IYD: variants seen among roughly 807,000 people sequenced by gnomAD.
IYD encodes iodotyrosine deiodinase 1.
In IYD, 25 loss-of-function variants were observed where a neutral mutation model predicts 28.4. That is an observed-to-expected ratio of 0.88 (90% CI 0.64 to 1.23). The LOEUF is 1.23. Ranked by LOEUF, IYD falls within the 50% of genes most tolerant of loss-of-function variation. The pLI is 0.00. For missense variants in IYD, 352 were observed against 357.9 expected, an observed-to-expected ratio of 0.98 and a Z score of 0.13; for synonymous variants, 140 against 130.8, an observed-to-expected ratio of 1.07 and a Z score of -0.48.
intron 1 of IYD, chr6:150,370,662 C>G: frequency 1.0e-6 from 1 of 985,334 alleles, no homozygotes; most frequent in Non-Finnish European, 1.2e-6. Flanking sequence ...TGCTGTGAAG[C>G]TGGGTAATGG....
chr6:150,384,069 C>T (rs11970120), intron 1 of IYD, among the ~76,000 whole-genome samples: 231 of 152,222 alleles, frequency 1.5e-3, no homozygotes, highest in African/African-American at 5.1e-3. Flanking sequence ...TCAGGTAGGA[C>T]ACAAACACAT....
intron 1 of IYD, among the ~76,000 whole-genome samples, chr6:150,386,428 T>C (rs968749361): frequency 3.3e-5 from 5 of 152,148 alleles, no homozygotes; most frequent in East Asian, 1.9e-4. Flanking sequence ...TCATTATCTA[T>C]TGGGCCATTA....
chr6:150,393,169 C>A (rs1778187673), intron 3 of IYD, among the ~76,000 whole-genome samples: 2 of 152,148 alleles, frequency 1.3e-5, no homozygotes. Flanking sequence ...TATTTTCACC[C>A]TTGCAATAAC....
At chr6:150,384,342 T>C (rs1582784861) in intron 1 of IYD, 1 of 152,234 alleles carries the variant, frequency 6.6e-6, no homozygotes, top group Non-Finnish European at 1.5e-5. Context: ...GTTTACTCCA[T>C]GGGCAGCCTT....
chr6:150,383,793 TAAA>T (rs754408425), intron 1 of IYD, among the ~76,000 whole-genome samples: 1 of 57,254 alleles, frequency 1.7e-5, no homozygotes, highest in Non-Finnish European at 3.3e-5. Context: ...ACCAAGTCTC[TAAA>T]AAAAAAAAAA....
intron 1 of IYD, among the ~76,000 whole-genome samples, chr6:150,375,310 G>A (rs1777406718): frequency 6.6e-6 from 1 of 152,156 alleles, no homozygotes; most frequent in Non-Finnish European, 1.5e-5. Context: ...TCACTGATTG[G>A]TCAGAGCGCA....
chr6:150,382,962 G>C (rs1488807881), intron 1 of IYD, among the ~76,000 whole-genome samples: 1 of 152,012 alleles, frequency 6.6e-6, no homozygotes, highest in Non-Finnish European at 1.5e-5. Context: ...TTTTTTAATG[G>C]TTCTTATTCA....
rs1216930588 is a variant in IYD at position 150,405,647 on chromosome 6, A to C, written c.*7410A>C. 6.6e-6 allele frequency: 1 copy of C among 152,150 alleles called. No homozygotes were observed. The highest frequency in any genetic ancestry group is 1.5e-5 in the Non-Finnish European group (1 of 68,032). The allele number at this position is 152,150 out of a possible 1,614,324, so 9.4% of individuals were successfully genotyped here. ...GGGAAACCCCTTATAAAGCCATCAGATCTCATGAGAACTCACTCATTCTCA... is the reference window on the plus strand; with the variant it reads ...GGGAAACCCCTTATAAAGCCATCAGCTCTCATGAGAACTCACTCATTCTCA... On this transcript the variant is annotated 3_prime_UTR_variant, in exon 5 of 5. Transcript: ENST00000344419.
intron 1 of IYD, among the ~76,000 whole-genome samples, chr6:150,382,341 G>T (rs1016708076): frequency 6.6e-6 from 1 of 152,016 alleles, no homozygotes; most frequent in African/African-American, 2.4e-5. Flanking sequence ...CCCTTCCATA[G>T]GTTTTGATCC....
At chr6:150,389,617 C>A in intron 2 of IYD, 74 bp downstream of exon 2, 1 of 1,323,918 alleles carries the variant, frequency 7.6e-7, no homozygotes, top group Non-Finnish European at 1.1e-6. Flanking sequence ...GGAAAAATGT[C>A]AAAGTTTAAA....
intron 4 of IYD, chr6:150,396,782 G>A (rs1320518383): frequency 1.0e-5 from 2 of 192,484 alleles, no homozygotes; most frequent in East Asian, 2.6e-4. Context: ...GCTGAGGCAG[G>A]AGAATGGCGT....
Position 150,376,254 on chromosome 6 carries a change from T to C in IYD, c.178+7045T>C, listed in dbSNP as rs572340913. Among the ~76,000 whole-genome samples, 5 of 152,224 alleles carry C rather than the reference T, an allele frequency of 3.3e-5. No homozygotes were observed. The South Asian group carries it at 8.3e-4, about 25-fold the overall frequency. Reference sequence around the variant, plus strand: ...AAATTTCTCCTCTGCCCTCTGAAGGTTCACTGAAAATGAACTGACAAGAGA... The same window carrying C: ...AAATTTCTCCTCTGCCCTCTGAAGGCTCACTGAAAATGAACTGACAAGAGA... On this transcript the variant is annotated intron_variant, in intron 1 of 4. Coordinates refer to ENST00000344419, the MANE Select transcript of IYD (RefSeq NM_203395.3).
intron 1 of IYD, among the ~76,000 whole-genome samples, chr6:150,386,903 T>C (rs934196515): frequency 2.6e-4 from 39 of 152,176 alleles, no homozygotes; most frequent in African/African-American, 8.7e-4. Context: ...AAAATAATCA[T>C]TGGCCTTTAT....
rs71010894 is a variant in IYD, at chr6:150,388,630, G to GCTTTCTTTCTTTCTTTCTTT, written c.179-686_179-667dup. Among the ~76,000 whole-genome samples the GCTTTCTTTCTTTCTTTCTTT allele has an allele frequency of 3.4e-3, 444 of 129,388 alleles. 8 individuals are homozygous for GCTTTCTTTCTTTCTTTCTTT. Among genetic ancestry groups the GCTTTCTTTCTTTCTTTCTTT allele is most frequent in the East Asian group, 0.014 (59 of 4,154 alleles). 84.9% of individuals were successfully genotyped at this position (129,388 alleles called of 152,430 possible). On this transcript the variant is annotated intron_variant, in intron 1 of 4. Transcript: ENST00000344419. ...TCTAGATTTATAGTCTGGAGTTTTT[G>GCTTTCTTTCTTTCTTTCTTT]CTTTCTTTCTTTCTTTCTTTCTTTC...
intron 1 of IYD, among the ~76,000 whole-genome samples, chr6:150,379,355 G>A (rs761279300): frequency 4.6e-5 from 7 of 152,186 alleles, no homozygotes; most frequent in African/African-American, 9.6e-5. Context: ...TGTCTACAGC[G>A]TCTGTATGGA....
intron 1 of IYD, among the ~76,000 whole-genome samples, chr6:150,386,546 C>G (rs557824607): frequency 3.6e-4 from 55 of 152,014 alleles, no homozygotes; most frequent in African/African-American, 1.3e-3. Flanking sequence ...TTATCTTTGT[C>G]AATTACCTTG....
intron 1 of IYD, among the ~76,000 whole-genome samples, chr6:150,381,866 C>A (rs1329661812): frequency 1.3e-5 from 2 of 152,128 alleles, no homozygotes; most frequent in Admixed American, 6.5e-5. Flanking sequence ...ATGACTATAT[C>A]ACAATTTATT....
At position 150,387,429 on chromosome 6, in the gene IYD, T is replaced by TAA. The variant is rs35642662; in HGVS notation, c.179-1905_179-1904dup. 5.4e-3 allele frequency among the ~76,000 whole-genome samples: 720 copies of TAA among 133,874 alleles called. 7 individuals carry two copies. The highest frequency in any genetic ancestry group is 0.017 in the African/African-American group (647 of 37,178). 87.8% of individuals were successfully genotyped at this position (133,874 alleles called of 152,430 possible). A position where few individuals can be genotyped will look rare whatever the true frequency, so the allele number is the denominator to read the frequency against. ...AAGAAGAGAAAGAAAAAAGTTCTTG[T>TAA]AAAAAAAAAAAAAAAAAAAGAATTT... On this transcript the variant is annotated intron_variant, in intron 1 of 4. Transcript: ENST00000344419.
rs192011276 is a variant in IYD, at chr6:150,383,628, G to A, written c.179-5724G>A. ...ACAGATGCCACAACCACAAATTGCA[G>A]CAACTATAACCACAGCTGCATCAGC... On this transcript the variant is annotated intron_variant, in intron 1 of 4. Transcript: ENST00000344419. 6.8e-4 allele frequency among the ~76,000 whole-genome samples: 104 copies of A among 152,008 alleles called. 1 individual carries two copies. In the East Asian group the frequency reaches 0.018, roughly 27 times the overall value.
Sources: gnomAD v4.1 joint callset for allele counts (sites outside exome capture counted in the v4.1 genomes callset) on GRCh38, gnomAD v4.1.1 for gene constraint, MANE v1.5 for transcripts, NCBI Gene and HGNC (gene_info 2026-07-23, HGNC 2026-07-21) for gene names.